The following DCC variants were observed in gnomAD, a reference collection of about 807,000 sequenced individuals.
The protein encoded by DCC is DCC netrin 1 receptor.
A neutral mutation model predicts 172.5 loss-of-function variants in DCC; 58 were observed. The observed-to-expected ratio is 0.34, with a 90% CI of 0.27 to 0.42. The LOEUF is 0.42. DCC is among the 10% of genes least tolerant of loss of function. DCC has a pLI of 1.00. For synonymous variants in DCC, 709 were observed against 644.5 expected (o/e 1.10, Z -1.52); for missense variants, 1,740 against 1,791.0 (o/e 0.97, Z 0.51).
intron 1 of DCC, among the ~76,000 whole-genome samples, chr18:52,341,329 T>C (rs1161966879): frequency 1.3e-5 from 2 of 152,122 alleles, no homozygotes; most frequent in South Asian, 2.1e-4. Flanking sequence ...GGCTGAGTCG[T>C]TGGTGTGTGA....
intron 1 of DCC, among the ~76,000 whole-genome samples, chr18:52,619,543 C>T (rs940218657): frequency 6.6e-6 from 1 of 152,118 alleles, no homozygotes; most frequent in South Asian, 2.1e-4. Flanking sequence ...TATGGGTGAT[C>T]CCAATAACCA....
At chr18:53,254,771 C>A (rs1598950870) in intron 12 of DCC, among the ~76,000 whole-genome samples, 1 of 152,034 alleles carries the variant, frequency 6.6e-6, no homozygotes, top group African/African-American at 2.4e-5. Flanking sequence ...TTAAACCTCA[C>A]TCAGGGTGAG....
At chr18:52,873,651 A>G (rs1568160869) in intron 2 of DCC, among the ~76,000 whole-genome samples, 12 of 152,192 alleles carry the variant, frequency 7.9e-5, no homozygotes, top group Admixed American at 7.2e-4. Context: ...GTCAACAGTG[A>G]ATACAGCTGA....
rs572977811 is a variant in DCC, at chr18:52,737,181, G to A, written c.92-14873G>A. 3.2e-4 allele frequency among the ~76,000 whole-genome samples: 49 copies of A among 152,138 alleles called. 1 individual carries two copies. The South Asian group carries it at 9.5e-3, about 30-fold the overall frequency. ...TTTTATATTAGAGACGACGTGAAAG[G>A]AATTTGTTAAAGATCAAATAAGATA... On this transcript the variant is annotated intron_variant, in intron 1 of 28. Coordinates refer to ENST00000442544, the MANE Select transcript of DCC (RefSeq NM_005215.4).
At chr18:53,303,048 T>G (rs1451909134) in intron 12 of DCC, among the ~76,000 whole-genome samples, 1 of 152,174 alleles carries the variant, frequency 6.6e-6, no homozygotes, top group Non-Finnish European at 1.5e-5. Flanking sequence ...GGTCATTTTA[T>G]CATTTTTGCT....
intron 9 of DCC, among the ~76,000 whole-genome samples, chr18:53,202,698 C>G (rs539317481): frequency 3.2e-4 from 48 of 152,058 alleles, no homozygotes; most frequent in Non-Finnish European, 6.6e-4. Context: ...TCAAATTCTG[C>G]TTGGCCAAGT....
At chr18:53,157,547 G>A (rs1385546122) in intron 8 of DCC, 35 bp downstream of exon 8, 10 of 1,610,300 alleles carry the variant, frequency 6.2e-6, no homozygotes, top group East Asian at 2.2e-5. Flanking sequence ...CAGCTTAATC[G>A]GTCATCTCTT....
At chr18:52,494,634 A>T (rs2030669369) in intron 1 of DCC, among the ~76,000 whole-genome samples, 1 of 151,842 alleles carries the variant, frequency 6.6e-6, no homozygotes, top group Admixed American at 6.6e-5. Context: ...AATATTAGTT[A>T]TTATGTTTTA....
At position 53,535,749 on chromosome 18, in the gene DCC, C is replaced by T. The variant is rs2046567859; in HGVS notation, c.*5096C>T. 1 of 152,134 alleles carries T rather than the reference C, an allele frequency of 6.6e-6. No homozygotes were observed. Among genetic ancestry groups the T allele is most frequent in the South Asian group, 2.1e-4 (1 of 4,824 alleles). 9.4% of individuals were successfully genotyped at this position (152,134 alleles called of 1,614,324 possible). The stretch of plus-strand genomic sequence containing the variant: ...AAGGAAACTTGCTTACAGTTTAAAA[C>T]AATGACTGTTTCTACACATGATCTT... On this transcript the variant is annotated 3_prime_UTR_variant, in exon 29 of 29. Coordinates refer to ENST00000442544, the MANE Select transcript of DCC (RefSeq NM_005215.4).
chr18:52,536,541 T>C (rs2032295328), intron 1 of DCC, among the ~76,000 whole-genome samples: 1 of 152,114 alleles, frequency 6.6e-6, no homozygotes, highest in Admixed American at 6.6e-5. Flanking sequence ...GTATCAATCA[T>C]ATGAAAACAT....
At chr18:53,073,609 T>A (rs1315488309) in intron 7 of DCC, among the ~76,000 whole-genome samples, 1 of 152,054 alleles carries the variant, frequency 6.6e-6, no homozygotes, top group Non-Finnish European at 1.5e-5. Flanking sequence ...TTAAAAAAAA[T>A]AGTTTCACTG....
intron 25 of DCC, among the ~76,000 whole-genome samples, chr18:53,470,038 A>G (rs1054486979): frequency 6.6e-6 from 1 of 151,946 alleles, no homozygotes; most frequent in Non-Finnish European, 1.5e-5. Flanking sequence ...GCTCCTCCTC[A>G]GTATCCTTCA....
At chr18:52,379,495 A>G (rs924124141) in intron 1 of DCC, among the ~76,000 whole-genome samples, 5 of 152,142 alleles carry the variant, frequency 3.3e-5, no homozygotes, top group Non-Finnish European at 5.9e-5. Context: ...TCTCCTCTCC[A>G]CTGCCATGCT....
intron 5 of DCC, among the ~76,000 whole-genome samples, chr18:53,030,129 G>A (rs2143954636): frequency 6.6e-6 from 1 of 152,154 alleles, no homozygotes; most frequent in African/African-American, 2.4e-5. Context: ...TTTGTTTTAG[G>A]TTATAAAACA....
At chr18:53,530,408 C>G (rs1321114002) in intron 28 of DCC, 156 bp from the exon 29 acceptor site, 2 of 713,650 alleles carry the variant, frequency 2.8e-6, no homozygotes, top group Non-Finnish European at 5.2e-6. Context: ...TTACCAGCAT[C>G]TTCATTCAGT....
Position 53,110,309 on chromosome 18 carries a change from G to A in DCC, c.1261+44143G>A, listed in dbSNP as rs540441274. ...GACAGATAGGCAAAGCCTGTAGTTG[G>A]CATTTCTCTCTTCTCAGTGTTATGT... On this transcript the variant is annotated intron_variant, in intron 7 of 28. Coordinates refer to ENST00000442544, the MANE Select transcript of DCC (RefSeq NM_005215.4). Among the ~76,000 whole-genome samples, 9 of 151,778 alleles carry A rather than the reference G, an allele frequency of 5.9e-5. No individual in the cohort carries two copies. The South Asian group carries it at 1.0e-3, about 17-fold the overall frequency.
chr18:53,129,213 A>T (rs190947875), intron 7 of DCC, among the ~76,000 whole-genome samples: 63 of 152,136 alleles, frequency 4.1e-4, no homozygotes, highest in Middle Eastern at 3.4e-3. Context: ...ATATTCATGA[A>T]TAGGCATATC....
At chr18:53,450,379 T>C in intron 22 of DCC, 121 bp from the exon 23 acceptor site, 1 of 1,040,156 alleles carries the variant, frequency 9.6e-7, no homozygotes, top group Non-Finnish European at 1.5e-6. Context: ...CGAACTCCCA[T>C]CACTACCCCT....
At chr18:52,908,321 T>C (rs2039920980) in intron 3 of DCC, among the ~76,000 whole-genome samples, 2 of 152,184 alleles carry the variant, frequency 1.3e-5, no homozygotes, top group South Asian at 4.1e-4. Flanking sequence ...TCAATAACCA[T>C]TGGTAACACT....
Sources: allele counts gnomAD v4.1 joint callset (sites outside exome capture counted in the v4.1 genomes callset), GRCh38; gene constraint gnomAD v4.1.1; transcripts MANE v1.5; gene names NCBI Gene and HGNC (gene_info 2026-07-23, HGNC 2026-07-21).